Variants in AKAP6 observed in about 807,000 individuals in gnomAD.
The protein encoded by AKAP6 is A-kinase anchoring protein 6.
A neutral mutation model predicts 188.5 loss-of-function variants in AKAP6; 58 were observed. That is an observed-to-expected ratio of 0.31 (90% CI 0.25 to 0.38). AKAP6 has a LOEUF of 0.38. Ranked by LOEUF, AKAP6 falls within the 10% of genes least tolerant of loss-of-function variation. The pLI is 1.00. For synonymous variants in AKAP6, 989 were observed against 998.6 expected (o/e 0.99, Z 0.18); for missense variants, 2,710 against 2,740.0 (o/e 0.99, Z 0.24).
chr14:32,548,345 G>A lies in AKAP6; in HGVS notation c.2346+1346G>A, dbSNP rs376321893. Among the ~76,000 whole-genome samples, 152 of 151,900 alleles carry A rather than the reference G, an allele frequency of 1.0e-3. 1 individual carries two copies. The highest frequency in any genetic ancestry group is 1.9e-3 in the South Asian group (9 of 4,798). ...TCGAACTCCTGACCTCAGGTGATCC[G>A]CCTGCCTTGGCATCCCAAAGTGCTG... On this transcript the variant is annotated intron_variant, in intron 4 of 13. Transcript: ENST00000280979.
intron 5 of AKAP6, among the ~76,000 whole-genome samples, chr14:32,584,637 C>G (rs1449202015): frequency 1.3e-5 from 2 of 152,266 alleles, no homozygotes; most frequent in Middle Eastern, 3.4e-3. Context: ...TCCCTCCTAC[C>G]CCTCCCTGGC....
intron 1 of AKAP6, among the ~76,000 whole-genome samples, chr14:32,396,191 G>C (rs1453952069): frequency 1.3e-5 from 2 of 152,114 alleles, no homozygotes; most frequent in African/African-American, 2.4e-5. Flanking sequence ...ACTTGAGTTT[G>C]CTTGTGAAAT....
At chr14:32,416,844 C>T (rs1250820954) in intron 1 of AKAP6, among the ~76,000 whole-genome samples, 1 of 151,770 alleles carries the variant, frequency 6.6e-6, no homozygotes, top group Non-Finnish European at 1.5e-5. Context: ...TTACTTCTTT[C>T]TGTTTTGTTT....
chr14:32,629,579 CTT>C (rs2139447582), intron 7 of AKAP6, among the ~76,000 whole-genome samples: 2 of 151,392 alleles, frequency 1.3e-5, no homozygotes, highest in African/African-American at 4.8e-5. Context: ...GTGGGTCTCT[CTT>C]ATAAATGTGA....
intron 1 of AKAP6, among the ~76,000 whole-genome samples, chr14:32,417,585 G>C (rs1475495882): frequency 2.6e-5 from 4 of 152,272 alleles, no homozygotes; most frequent in African/African-American, 9.6e-5. Flanking sequence ...CCAGAGCTCA[G>C]CAAGGGAGTA....
intron 4 of AKAP6, among the ~76,000 whole-genome samples, chr14:32,556,912 T>C (rs1314807849): frequency 6.6e-6 from 1 of 152,018 alleles, no homozygotes; most frequent in Non-Finnish European, 1.5e-5. Flanking sequence ...CTTTGAGTTC[T>C]CTCTCTCTCT....
At chr14:32,667,758 G>A (rs959225064) in intron 7 of AKAP6, among the ~76,000 whole-genome samples, 8 of 151,974 alleles carry the variant, frequency 5.3e-5, no homozygotes, top group African/African-American at 1.7e-4. Context: ...ACACTTGTTT[G>A]GTTCTGTTTT....
intron 1 of AKAP6, among the ~76,000 whole-genome samples, chr14:32,377,198 T>C (rs568230847): frequency 1.3e-4 from 20 of 152,348 alleles, no homozygotes; most frequent in African/African-American, 3.4e-4. Flanking sequence ...TCAGTGCCTA[T>C]CTATGCGTAC....
intron 2 of AKAP6, among the ~76,000 whole-genome samples, chr14:32,525,208 C>A (rs142939040): frequency 6.6e-6 from 1 of 152,180 alleles, no homozygotes; most frequent in Non-Finnish European, 1.5e-5. Flanking sequence ...AAAACAATTT[C>A]TCCAGTGTAC....
At chr14:32,724,421 G>A (rs2030737182) in intron 9 of AKAP6, among the ~76,000 whole-genome samples, 1 of 152,098 alleles carries the variant, frequency 6.6e-6, no homozygotes, top group Non-Finnish European at 1.5e-5. Context: ...AAGTGCATAC[G>A]CCTGATCCAG....
At chr14:32,494,162 A>G (rs1253522721) in intron 2 of AKAP6, 1 of 152,104 alleles carries the variant, frequency 6.6e-6, no homozygotes, top group Non-Finnish European at 1.5e-5. Context: ...TTCTTTCTAC[A>G]AGTAGTTCTC....
intron 2 of AKAP6, among the ~76,000 whole-genome samples, chr14:32,506,793 A>G (rs1349186130): frequency 6.7e-6 from 1 of 149,076 alleles, no homozygotes; most frequent in African/African-American, 2.5e-5. Flanking sequence ...TTGGCCTCCC[A>G]AAGTGTTGGG....
chr14:32,478,816 T>C (rs369939111), intron 2 of AKAP6, among the ~76,000 whole-genome samples: 1 of 152,136 alleles, frequency 6.6e-6, no homozygotes, highest in African/African-American at 2.4e-5. Flanking sequence ...TAGTGTGAGA[T>C]AGGAAATGGA....
chr14:32,628,373 T>A lies in AKAP6; in HGVS notation c.2730+27581T>A, dbSNP rs543590320. Among the ~76,000 whole-genome samples the A allele has an allele frequency of 7.2e-5, 11 of 152,250 alleles. No individual in the cohort carries two copies. The East Asian group carries it at 2.1e-3, about 29-fold the overall frequency. ...TCTACAGTCGGGCACCAAGAAGTAA[T>A]GAACATAAAATTACATGTTCTTTTG... On this transcript the variant is annotated intron_variant, in intron 7 of 13. Transcript: ENST00000280979.
At chr14:32,418,738 G>C (rs1290286808) in intron 1 of AKAP6, among the ~76,000 whole-genome samples, 1 of 152,052 alleles carries the variant, frequency 6.6e-6, no homozygotes, top group South Asian at 2.1e-4. Context: ...CTTACTCAGC[G>C]GTTCTCATTG....
intron 1 of AKAP6, among the ~76,000 whole-genome samples, chr14:32,407,956 A>G (rs990316592): frequency 2.0e-5 from 3 of 152,240 alleles, no homozygotes; most frequent in African/African-American, 7.2e-5. Flanking sequence ...TGAACTGCAG[A>G]TGGTGTTTAT....
At chr14:32,819,463 A>T (rs2034465790) in intron 12 of AKAP6, among the ~76,000 whole-genome samples, 1 of 152,212 alleles carries the variant, frequency 6.6e-6, no homozygotes. Context: ...AGTTAAAATA[A>T]TTCTGACATT....
chr14:32,337,299 G>A (rs1219319821), intron 1 of AKAP6, among the ~76,000 whole-genome samples: 1 of 152,116 alleles, frequency 6.6e-6, no homozygotes, highest in Non-Finnish European at 1.5e-5. Flanking sequence ...GAGAAGATGG[G>A]CAGCACAAGA....
In AKAP6 at chr14:32,545,550, C is replaced by G. The variant is rs1408196673; in HGVS notation, c.897C>G (p.Leu299=). The G allele has an allele frequency of 6.2e-7, 1 of 1,614,192 alleles. No individual in the cohort carries two copies. The highest frequency in any genetic ancestry group is 1.7e-5 in the Admixed American group (1 of 60,020). The part of the protein sequence containing the change: ...AVTEEVSQVS[L]SVDDKGGCEE... ...CTGAGGAGGTATCTCAAGTATCTCT[C>G]TCAGTAGACGACAAAGGTGGATGTG... is the stretch of plus-strand genomic sequence containing the variant. Residue 299 remains leucine, a synonymous_variant, in exon 4 of 14, where the codon CTC becomes CTG. Transcript: ENST00000280979.
Sources: allele counts gnomAD v4.1 joint callset (sites outside exome capture counted in the v4.1 genomes callset), GRCh38; gene constraint gnomAD v4.1.1; transcripts MANE v1.5; gene names NCBI Gene and HGNC (gene_info 2026-07-23, HGNC 2026-07-21).